The following KLF8 variants were observed in gnomAD, a reference collection of about 807,000 sequenced individuals.
KLF8 encodes the protein KLF transcription factor 8, also known as Krueppel-like factor 8.
In KLF8, 10 loss-of-function variants were observed where a neutral mutation model predicts 18.2. That is an observed-to-expected ratio of 0.55 (90% confidence interval 0.34 to 0.93). The LOEUF (loss-of-function observed/expected upper bound fraction) is 0.93, where lower values mean the gene tolerates loss of function less well. Ranked by LOEUF, KLF8 falls within the 40% of genes least tolerant of loss-of-function variation. The probability of loss-of-function intolerance (pLI) is 0.02; values close to 1 mark genes in which losing one functional copy is unlikely to be tolerated. For missense variants in KLF8, 264 were observed against 277.9 expected, an observed-to-expected ratio of 0.95 and a Z score of 0.36; for synonymous variants, 109 against 97.3, an observed-to-expected ratio of 1.12 and a Z score of -0.71.
At chrX:56,018,059 C>A in the KLF8 span, among the ~76,000 whole-genome samples, 1 of 111,746 alleles carries the variant, frequency 8.9e-6, no homozygotes, top group African/African-American at 3.2e-5. Flanking sequence ...TCTCTTCTAG[C>A]TGTTTTGAAA....
chrX:56,020,918 A>C, the KLF8 span, among the ~76,000 whole-genome samples: 1 of 111,796 alleles, frequency 8.9e-6, no homozygotes, highest in Non-Finnish European at 1.9e-5. Flanking sequence ...TCACATCACA[A>C]TACCTTTGTA....
chrX:56,232,042 C>A (rs2066406754), upstream of KLF8, among the ~76,000 whole-genome samples: 3 of 111,434 alleles, frequency 2.7e-5, no homozygotes, highest in African/African-American at 9.8e-5. Flanking sequence ...ATAAATATCG[C>A]TTCCAGTTGT....
chrX:56,066,014 C>T, the KLF8 span, among the ~76,000 whole-genome samples: 2 of 111,560 alleles, frequency 1.8e-5, no homozygotes, highest in African/African-American at 6.5e-5. Flanking sequence ...AAACAGCTTG[C>T]TCAGGTACAG....
At chrX:56,173,713 G>C in the KLF8 span, among the ~76,000 whole-genome samples, 4 of 111,684 alleles carry the variant, frequency 3.6e-5, no homozygotes, top group Non-Finnish European at 7.5e-5. Flanking sequence ...TAATGATATT[G>C]ATTCTTCCTA....
At chrX:56,221,728 CCTT>C in the KLF8 span, among the ~76,000 whole-genome samples, 1 of 111,464 alleles carries the variant, frequency 9.0e-6, no homozygotes, top group African/African-American at 3.3e-5. Flanking sequence ...AAGCTGCAGA[CCTT>C]CACGAGTGTC....
At chrX:56,031,173 G>A in the KLF8 span, among the ~76,000 whole-genome samples, 1 of 111,250 alleles carries the variant, frequency 9.0e-6, no homozygotes, top group African/African-American at 3.3e-5. Context: ...CTTACTTTGT[G>A]CCTGACCCAT....
chrX:55,970,594 G>A, the KLF8 span, among the ~76,000 whole-genome samples: 5 of 111,619 alleles, frequency 4.5e-5, no homozygotes, highest in East Asian at 5.6e-4. Flanking sequence ...GAAATACAGG[G>A]CATCCAAATT....
At chrX:56,223,512 TGAG>T in the KLF8 span, among the ~76,000 whole-genome samples, 5 of 112,101 alleles carry the variant, frequency 4.5e-5, no homozygotes, top group Non-Finnish European at 9.4e-5. Flanking sequence ...AAAAAGCAAA[TGAG>T]GATATCATTT....
chrX:56,226,561 C>T, the KLF8 span, among the ~76,000 whole-genome samples: 1 of 112,039 alleles, frequency 8.9e-6, no homozygotes, highest in Admixed American at 9.5e-5. Flanking sequence ...GTCCTTCCTA[C>T]ACCAACATTC....
the KLF8 span, among the ~76,000 whole-genome samples, chrX:56,209,683 T>A: frequency 8.9e-6 from 1 of 111,820 alleles, no homozygotes; most frequent in Non-Finnish European, 1.9e-5. Flanking sequence ...TGTTTTCTGT[T>A]TTGTTTTTGT....
At chrX:55,913,524 A>G in the KLF8 span, among the ~76,000 whole-genome samples, 1 of 111,635 alleles carries the variant, frequency 9.0e-6, no homozygotes, top group Non-Finnish European at 1.9e-5. Context: ...CACATTGGGA[A>G]TATGATGTGA....
At chrX:55,955,224 G>A in the KLF8 span, among the ~76,000 whole-genome samples, 2 of 111,176 alleles carry the variant, frequency 1.8e-5, no homozygotes, top group East Asian at 5.7e-4. Flanking sequence ...GCCATGCCAA[G>A]AATCTGGGTG....
chrX:56,121,198 A>G, the KLF8 span, among the ~76,000 whole-genome samples: 2 of 109,578 alleles, frequency 1.8e-5, no homozygotes, highest in African/African-American at 3.3e-5. Context: ...AAAAAAAAAA[A>G]AAAAAAGGAA....
At chrX:56,249,229 A>G (rs1024576278) in intron 1 of KLF8, among the ~76,000 whole-genome samples, 10 of 112,569 alleles carry the variant, frequency 8.9e-5, no homozygotes, top group African/African-American at 2.9e-4. Context: ...ATTCAGAGCA[A>G]CTCTGGGGCT....
At chrX:56,070,810 T>C in the KLF8 span, among the ~76,000 whole-genome samples, 1 of 112,737 alleles carries the variant, frequency 8.9e-6, no homozygotes, top group African/African-American at 3.2e-5. Flanking sequence ...CATGTGGTGG[T>C]TTTTAAATAT....
the KLF8 span, among the ~76,000 whole-genome samples, chrX:55,973,981 C>G: frequency 1.8e-5 from 2 of 111,942 alleles, no homozygotes; most frequent in Non-Finnish European, 3.8e-5. Context: ...GGTACATATA[C>G]ACCATGGAAT....
At chrX:56,078,173 A>G in the KLF8 span, among the ~76,000 whole-genome samples, 1 of 111,725 alleles carries the variant, frequency 9.0e-6, no homozygotes, top group Non-Finnish European at 1.9e-5. Flanking sequence ...ACCTTCCAAC[A>G]GTACGTTGAA....
At chrX:56,190,516 T>C in the KLF8 span, among the ~76,000 whole-genome samples, 2 of 111,504 alleles carry the variant, frequency 1.8e-5, no homozygotes, top group Admixed American at 1.9e-4. Context: ...ATCCAATGTC[T>C]CTAGAATAAA....
the KLF8 span, among the ~76,000 whole-genome samples, chrX:56,024,236 G>A: frequency 9.7e-6 from 1 of 103,329 alleles, no homozygotes; most frequent in Non-Finnish European, 2.0e-5. Context: ...TGGAGTTAGA[G>A]TCTCTCTGTC....
Sources: allele counts gnomAD v4.1 joint callset (sites outside exome capture counted in the v4.1 genomes callset), GRCh38; gene constraint gnomAD v4.1.1; transcripts MANE v1.5; gene names NCBI Gene and HGNC (gene_info 2026-07-23, HGNC 2026-07-21).